ULK2: variants seen among roughly 807,000 people sequenced by gnomAD.
ULK2 encodes the protein serine/threonine-protein kinase ULK2.
Under a neutral mutation model 127.5 loss-of-function variants are expected in ULK2, and 76 were observed. The observed-to-expected ratio is 0.60, with a 90% CI of 0.50 to 0.72. The LOEUF is 0.72. ULK2 is among the 30% of genes least tolerant of loss of function. The probability of loss-of-function intolerance (pLI) is 0.00; values close to 1 mark genes in which losing one functional copy is unlikely to be tolerated. For missense variants in ULK2, 1,144 were observed against 1,295.9 expected (o/e 0.88, Z 1.80); for synonymous variants, 452 against 461.9 (o/e 0.98, Z 0.28).
At chr17:19,858,121 C>T (rs915528083) in intron 3 of ULK2, among the ~76,000 whole-genome samples, 1 of 151,998 alleles carries the variant, frequency 6.6e-6, no homozygotes, top group African/African-American at 2.4e-5. Flanking sequence ...ACTATTGGCC[C>T]GGGTGTGGTG....
intron 10 of ULK2, among the ~76,000 whole-genome samples, chr17:19,832,419 C>T (rs369025124): frequency 6.7e-4 from 102 of 152,166 alleles, no homozygotes; most frequent in African/African-American, 2.3e-3. Context: ...AGGCCCACAC[C>T]ACAACACCAG....
At chr17:19,821,615 G>A (rs2041147239) in intron 12 of ULK2, among the ~76,000 whole-genome samples, 1 of 152,162 alleles carries the variant, frequency 6.6e-6, no homozygotes, top group African/African-American at 2.4e-5. Flanking sequence ...TAAATGTAAG[G>A]TCTATCAAAC....
chr17:19,795,347 T>TTA (rs1555552723), intron 20 of ULK2, among the ~76,000 whole-genome samples: 10 of 82,766 alleles, frequency 1.2e-4, no homozygotes, highest in East Asian at 4.5e-4. Flanking sequence ...ACCCTACTGA[T>TTA]AAAAAAAAAA....
rs1392883175 is a variant in ULK2 at position 19,777,711 on chromosome 17, C to T, written c.2922G>A (p.Gln974=). The change falls in exon 26 of 27, where the codon CAG becomes CAA. Residue 974 remains glutamine, a synonymous_variant. Transcript: ENST00000395544. ...GAAACATCTCATCCAGGGCTGCAGA[C>T]TGAACCTGGAACCAGTCAACAAAAA... ...LIYNCAVEMV[Q]SAALDEMFQQ... is the part of the protein sequence containing the mutation. The T allele has an allele frequency of 3.1e-6, 5 of 1,608,052 alleles. No homozygotes were observed. The highest frequency in any genetic ancestry group is 4.2e-6 in the Non-Finnish European group (5 of 1,178,462).
At chr17:19,796,016 TTGC>T in intron 19 of ULK2, 76 bp downstream of exon 19, 1 of 1,531,570 alleles carries the variant, frequency 6.5e-7, no homozygotes, top group Non-Finnish European at 8.8e-7. Context: ...TAATGTAGTC[TTGC>T]TGCTTTTATA....
intron 6 of ULK2, among the ~76,000 whole-genome samples, chr17:19,845,641 T>C (rs1238559674): frequency 6.6e-6 from 1 of 152,100 alleles, no homozygotes; most frequent in Admixed American, 6.6e-5. Flanking sequence ...ATGCTAATTA[T>C]AATAAGTAGC....
intron 12 of ULK2, among the ~76,000 whole-genome samples, chr17:19,817,711 A>G (rs970330765): frequency 6.6e-6 from 1 of 152,188 alleles, no homozygotes; most frequent in African/African-American, 2.4e-5. Flanking sequence ...TTATTGTGTC[A>G]AGCCCCTATT....
chr17:19,810,504 C>T lies in ULK2; in HGVS notation c.1097-66G>A, dbSNP rs531652855. 3.2e-5 allele frequency: 32 copies of T among 1,006,906 alleles called. No homozygotes were observed. The African/African-American group carries it at 4.0e-4, about 12-fold the overall frequency. The allele number at this position is 1,006,906 out of a possible 1,614,324, so 62.4% of individuals were successfully genotyped here. ...CTGCTTAAAAAAACACAAATTTGTT[C>T]CAAAATGATTATTAGGATTTCATGC... is the stretch of plus-strand genomic sequence containing the variant. On this transcript the variant is annotated intron_variant, in intron 13 of 26. Coordinates refer to ENST00000395544, the MANE Select transcript of ULK2 (RefSeq NM_014683.4).
At chr17:19,840,931 C>A (rs1051387603) in intron 9 of ULK2, among the ~76,000 whole-genome samples, 1 of 151,896 alleles carries the variant, frequency 6.6e-6, no homozygotes, top group African/African-American at 2.4e-5. Context: ...CATCTTGCTG[C>A]GGAACATCAT....
intron 20 of ULK2, among the ~76,000 whole-genome samples, chr17:19,788,118 A>G (rs1444862015): frequency 3.3e-5 from 5 of 152,146 alleles, no homozygotes; most frequent in African/African-American, 9.7e-5. Flanking sequence ...TCCGGGTCCA[A>G]GTGAACTTGA....
At chr17:19,778,627 T>C (rs557072164) in intron 25 of ULK2, among the ~76,000 whole-genome samples, 1 of 152,354 alleles carries the variant, frequency 6.6e-6, no homozygotes, top group South Asian at 2.1e-4. Context: ...AATGTATTTA[T>C]GCATTCTTAT....
intron 20 of ULK2, among the ~76,000 whole-genome samples, chr17:19,792,609 G>A (rs2087178743): frequency 6.6e-6 from 1 of 152,146 alleles, no homozygotes; most frequent in Non-Finnish European, 1.5e-5. Flanking sequence ...ATTCACTAAG[G>A]TGATCTAATA....
chr17:19,861,614 T>C lies in ULK2; in HGVS notation c.225+3189A>G, dbSNP rs534788162. Among the ~76,000 whole-genome samples, 73 of 152,362 alleles carry C rather than the reference T, an allele frequency of 4.8e-4. 1 individual carries two copies. Among genetic ancestry groups the C allele is most frequent in the African/African-American group, 1.7e-3 (72 of 41,590 alleles). On this transcript the variant is annotated intron_variant, in intron 3 of 26. Transcript: ENST00000395544. ...ACCTACTCTGCAATTGCCAGGGTTT[T>C]CTGTATCTCTCCAAGATTGGGAAAC...
At chr17:19,790,372 G>A (rs545120518) in intron 20 of ULK2, among the ~76,000 whole-genome samples, 11 of 152,200 alleles carry the variant, frequency 7.2e-5, no homozygotes, top group Middle Eastern at 3.4e-3. Context: ...AGCCAAGATC[G>A]TGCCCTTGCA....
intron 10 of ULK2, among the ~76,000 whole-genome samples, chr17:19,836,913 A>C (rs1266258745): frequency 2.6e-5 from 4 of 151,140 alleles, no homozygotes; most frequent in Non-Finnish European, 5.9e-5. Flanking sequence ...TCAAAAACAA[A>C]ACAAAATAAA....
At chr17:19,833,450 T>C (rs889040954) in intron 10 of ULK2, among the ~76,000 whole-genome samples, 4 of 151,976 alleles carry the variant, frequency 2.6e-5, no homozygotes, top group Admixed American at 6.6e-5. Context: ...GGCTCACGCT[T>C]GTAATCCCAG....
intron 21 of ULK2, among the ~76,000 whole-genome samples, chr17:19,785,357 AC>A (rs1469725588): frequency 1.3e-5 from 2 of 151,992 alleles, no homozygotes; most frequent in Admixed American, 1.3e-4. Flanking sequence ...GATTACAGGT[AC>A]CTGCCACCAC....
At chr17:19,826,396 A>G (rs1383983725) in intron 10 of ULK2, among the ~76,000 whole-genome samples, 3 of 152,134 alleles carry the variant, frequency 2.0e-5, no homozygotes, top group Admixed American at 1.3e-4. Context: ...TAATGAATCA[A>G]TAACAAATTT....
intron 3 of ULK2, among the ~76,000 whole-genome samples, chr17:19,856,620 C>T (rs1672181211): frequency 6.6e-6 from 1 of 151,036 alleles, no homozygotes; most frequent in Admixed American, 6.6e-5. Context: ...CACGTTATGA[C>T]ATGTATCGTT....
Sources: allele counts gnomAD v4.1 joint callset (sites outside exome capture counted in the v4.1 genomes callset), GRCh38; gene constraint gnomAD v4.1.1; transcripts MANE v1.5; gene names NCBI Gene and HGNC (gene_info 2026-07-23, HGNC 2026-07-21).